ANTXR2: variants seen among roughly 807,000 people sequenced by gnomAD.
ANTXR2 encodes the protein anthrax toxin receptor 2.
Under a neutral mutation model 73.7 loss-of-function variants are expected in ANTXR2, and 44 were observed. The ratio of observed to expected loss-of-function variants is 0.60; its 90% CI spans 0.47 to 0.77. The LOEUF (loss-of-function observed/expected upper bound fraction) is 0.77. Among genes scored for constraint, ANTXR2 ranks in the 30% least tolerant of loss-of-function variants. ANTXR2 has a pLI of 0.00. For synonymous variants in ANTXR2, 217 were observed against 205.9 expected (o/e 1.05, Z -0.46); for missense variants, 604 against 592.5 (o/e 1.02, Z -0.20).
intron 10 of ANTXR2, among the ~76,000 whole-genome samples, chr4:80,028,962 A>C (rs1732561899): frequency 6.6e-6 from 1 of 152,180 alleles, no homozygotes; most frequent in Non-Finnish European, 1.5e-5. Flanking sequence ...CAATGGTATC[A>C]TGTACCTGAT....
chr4:79,910,233 G>A (rs974650165), intron 16 of ANTXR2, among the ~76,000 whole-genome samples: 3 of 152,130 alleles, frequency 2.0e-5, no homozygotes, highest in Non-Finnish European at 4.4e-5. Context: ...ATTGTTGGCC[G>A]GGTGTGGTGG....
intron 11 of ANTXR2, among the ~76,000 whole-genome samples, chr4:80,009,824 G>C (rs1166834753): frequency 6.8e-6 from 1 of 148,012 alleles, no homozygotes; most frequent in Non-Finnish European, 1.5e-5. Context: ...TCCAGCCTGG[G>C]AGACAGAGTG....
intron 3 of ANTXR2, among the ~76,000 whole-genome samples, chr4:80,063,019 A>G (rs1734334636): frequency 1.3e-5 from 2 of 152,238 alleles, no homozygotes. Flanking sequence ...ATGAAAAACT[A>G]TAAATGAGAA....
chr4:79,992,070 C>T (rs1468898756), intron 12 of ANTXR2, among the ~76,000 whole-genome samples: 1 of 151,918 alleles, frequency 6.6e-6, no homozygotes. Context: ...ACATAATTTA[C>T]CCCTGTAACA....
At chr4:80,065,280 T>C (rs1460795051) in intron 3 of ANTXR2, among the ~76,000 whole-genome samples, 1 of 152,218 alleles carries the variant, frequency 6.6e-6, no homozygotes, top group Non-Finnish European at 1.5e-5. Context: ...TTCTCTACTG[T>C]TGAAAGGCTG....
At chr4:79,935,781 G>A (rs1020375268) in intron 16 of ANTXR2, among the ~76,000 whole-genome samples, 3 of 152,324 alleles carry the variant, frequency 2.0e-5, no homozygotes, top group African/African-American at 4.8e-5. Flanking sequence ...ATTAGCAATG[G>A]TTAGCTCTGC....
At chr4:79,989,127 G>A (rs1730343179) in intron 12 of ANTXR2, among the ~76,000 whole-genome samples, 1 of 151,606 alleles carries the variant, frequency 6.6e-6, no homozygotes, top group Admixed American at 6.6e-5. Flanking sequence ...GCTAGCAGAA[G>A]AAAAGAAAAC....
intron 16 of ANTXR2, among the ~76,000 whole-genome samples, chr4:79,935,143 T>C (rs949196909): frequency 9.3e-5 from 14 of 150,748 alleles, no homozygotes; most frequent in Non-Finnish European, 1.8e-4. Context: ...ATTTGATAGG[T>C]TTGTAACACG....
At chr4:80,006,379 A>G (rs1731300014) in intron 12 of ANTXR2, among the ~76,000 whole-genome samples, 1 of 152,028 alleles carries the variant, frequency 6.6e-6, no homozygotes, top group Non-Finnish European at 1.5e-5. Flanking sequence ...TTCCTGCTTT[A>G]AAATCTACTT....
intron 4 of ANTXR2, among the ~76,000 whole-genome samples, 173 bp from the exon 5 acceptor site, chr4:80,055,640 A>C (rs1578189864): frequency 6.6e-6 from 1 of 152,052 alleles, no homozygotes; most frequent in Non-Finnish European, 1.5e-5. Flanking sequence ...TTCACATTAC[A>C]GAGTAGTTAC....
intron 8 of ANTXR2, among the ~76,000 whole-genome samples, chr4:80,034,101 C>T (rs1732842147): frequency 6.6e-6 from 1 of 152,060 alleles, no homozygotes; most frequent in Non-Finnish European, 1.5e-5. Flanking sequence ...GATTCATTTT[C>T]TATTTCAAAC....
intron 16 of ANTXR2, among the ~76,000 whole-genome samples, chr4:79,910,061 G>A (rs2109927248): frequency 6.6e-6 from 1 of 152,170 alleles, no homozygotes; most frequent in South Asian, 2.1e-4. Context: ...TGTGACCATG[G>A]GCGACTTACT....
chr4:79,963,328 T>C (rs1190950082), intron 16 of ANTXR2, among the ~76,000 whole-genome samples: 1 of 152,184 alleles, frequency 6.6e-6, no homozygotes, highest in East Asian at 1.9e-4. Context: ...CGGGTCCCTT[T>C]TAAATGAACT....
At chr4:79,953,318 A>G (rs145732617) in intron 16 of ANTXR2, among the ~76,000 whole-genome samples, 60 of 152,358 alleles carry the variant, frequency 3.9e-4, no homozygotes, top group Middle Eastern at 3.4e-3. Flanking sequence ...AATAAATTTG[A>G]TTAGTGAAAT....
chr4:80,072,655 G>C lies in ANTXR2; in HGVS notation c.-95C>G. The C allele has an allele frequency of 7.4e-7, 1 of 1,343,078 alleles. No homozygotes were observed. The allele number at this position is 1,343,078 out of a possible 1,614,324, so 83.2% of individuals were successfully genotyped here. A position where few individuals can be genotyped will look rare whatever the true frequency, so the allele number is the denominator to read the frequency against. On this transcript the variant is annotated 5_prime_UTR_variant, in exon 1 of 17. Transcript: ENST00000403729. ...CGGGAGTCACCCGGCACGCACTCTG[G>C]GGTGGGGGGCGGCGAGCAGCTGAGA...
At chr4:79,923,613 A>C (rs1451825993) in intron 16 of ANTXR2, among the ~76,000 whole-genome samples, 1 of 152,122 alleles carries the variant, frequency 6.6e-6, no homozygotes, top group East Asian at 1.9e-4. Flanking sequence ...TGAAATATGT[A>C]TTCTAAGGCC....
At chr4:79,986,978 T>C (rs1730195757) in intron 12 of ANTXR2, among the ~76,000 whole-genome samples, 1 of 152,060 alleles carries the variant, frequency 6.6e-6, no homozygotes, top group South Asian at 2.1e-4. Context: ...TCAAAGAATA[T>C]AAAAGCAAAT....
In ANTXR2 at chr4:80,071,628, A is replaced by G; in HGVS notation, c.179T>C (p.Ile60Thr). ...TTGCTGTACGAAATTATAAATTTCA[A>G]TCCAGTTATTTGCCACACTCCCAGA... The part of the protein sequence containing the change: ...DKSGSVANNW[I>T]EIYNFVQQLA... Residue 60 changes from isoleucine to threonine, a missense_variant, in exon 2 of 17, where the codon ATT becomes ACT. Coordinates refer to ENST00000403729, the MANE Select transcript of ANTXR2 (RefSeq NM_058172.6). 1 of 1,613,446 alleles carries G rather than the reference A, an allele frequency of 6.2e-7. No individual in the cohort carries two copies. Among genetic ancestry groups the G allele is most frequent in the East Asian group, 2.2e-5 (1 of 44,874 alleles).
chr4:80,024,670 G>A (rs1394924511), intron 10 of ANTXR2: 1 of 452,152 alleles, frequency 2.2e-6, no homozygotes, highest in South Asian at 1.6e-5. Context: ...GCTGAAGTAG[G>A]AGGATCACCT....
Sources: gnomAD v4.1 joint callset for allele counts (sites outside exome capture counted in the v4.1 genomes callset) on GRCh38, gnomAD v4.1.1 for gene constraint, MANE v1.5 for transcripts, NCBI Gene and HGNC (gene_info 2026-07-23, HGNC 2026-07-21) for gene names.